The following KIF2A variants were observed in gnomAD, a reference collection of about 807,000 sequenced individuals.
KIF2A encodes kinesin-like protein KIF2A.
A neutral mutation model predicts 100.2 loss-of-function variants in KIF2A; 22 were observed. That is an observed-to-expected ratio of 0.22 (90% CI 0.16 to 0.31). KIF2A has a LOEUF of 0.31. Among genes scored for constraint, KIF2A ranks in the 10% least tolerant of loss-of-function variants. KIF2A has a pLI of 1.00. For synonymous variants in KIF2A, 268 were observed against 285.9 expected, an observed-to-expected ratio of 0.94 and a Z score of 0.63; for missense variants, 495 against 898.7, an observed-to-expected ratio of 0.55 and a Z score of 5.74.
chr5:62,336,625 A>G (rs1197305462), intron 1 of KIF2A, among the ~76,000 whole-genome samples: 1 of 152,248 alleles, frequency 6.6e-6, no homozygotes, highest in Non-Finnish European at 1.5e-5. Context: ...AAAACTTGTA[A>G]GATGCTGCTA....
intron 1 of KIF2A, among the ~76,000 whole-genome samples, chr5:62,342,108 C>G (rs1199066306): frequency 6.6e-6 from 1 of 152,194 alleles, no homozygotes; most frequent in East Asian, 1.9e-4. Flanking sequence ...CTTTTACTTT[C>G]TCCAAAACCT....
At chr5:62,337,214 G>A (rs552212039) in intron 1 of KIF2A, among the ~76,000 whole-genome samples, 11 of 152,100 alleles carry the variant, frequency 7.2e-5, no homozygotes, top group Admixed American at 2.6e-4. Context: ...ATAACCAGCC[G>A]GGCACGGTGG....
intron 1 of KIF2A, among the ~76,000 whole-genome samples, chr5:62,344,712 ACTC>A (rs1287579726): frequency 2.0e-5 from 3 of 152,184 alleles, no homozygotes; most frequent in African/African-American, 7.2e-5. Context: ...TGGAAATAAT[ACTC>A]CTAATAAAGG....
At chr5:62,385,203 A>G (rs1005220392) in intron 20 of KIF2A, among the ~76,000 whole-genome samples, 8 of 152,194 alleles carry the variant, frequency 5.3e-5, no homozygotes, top group African/African-American at 1.9e-4. Context: ...TCTAGGAGGA[A>G]TTCCAATAAA....
chr5:62,319,929 C>T (rs947529849), intron 1 of KIF2A, among the ~76,000 whole-genome samples: 1 of 152,122 alleles, frequency 6.6e-6, no homozygotes. Context: ...CTCCATCCTA[C>T]CCCTACCCCA....
At position 62,373,855 on chromosome 5, in the gene KIF2A, G is replaced by A. The variant is rs746205693; in HGVS notation, c.1911+18G>A. The A allele has an allele frequency of 1.3e-6, 2 of 1,572,406 alleles. No individual in the cohort carries two copies. Among genetic ancestry groups the A allele is most frequent in the South Asian group, 1.1e-5 (1 of 89,554 alleles). The stretch of plus-strand genomic sequence containing the variant: ...AACAAAATGTGAGTGTACTATGGTT[G>A]TAAATGTTATAATCTTAGTTCATTT... On this transcript the variant is annotated intron_variant, in intron 18 of 20. Transcript: ENST00000407818.
chr5:62,384,582 T>A (rs1431242335), intron 20 of KIF2A, among the ~76,000 whole-genome samples: 1 of 152,190 alleles, frequency 6.6e-6, no homozygotes, highest in African/African-American at 2.4e-5. Flanking sequence ...AAATGCCCGC[T>A]GGGGGCCAAA....
At position 62,386,144 on chromosome 5, in the gene KIF2A, A is replaced by AT. The variant is rs1249713051; in HGVS notation, c.*578dup. 6.5e-6 allele frequency: 1 copy of AT among 152,790 alleles called. No individual in the cohort carries two copies. Among genetic ancestry groups the AT allele is most frequent in the Non-Finnish European group, 1.5e-5 (1 of 68,194 alleles). 9.5% of individuals were successfully genotyped at this position (152,790 alleles called of 1,614,324 possible). A position where few individuals can be genotyped will look rare whatever the true frequency, so the allele number is the denominator to read the frequency against. ...ACCTTTGTGTGTACATTTTTACTGT[A>AT]TTTGAGACATTTTTTGTGTGTGACT... On this transcript the variant is annotated 3_prime_UTR_variant, in exon 21 of 21. Transcript: ENST00000407818.
chr5:62,306,609 C>A, intron 1 of KIF2A, 73 bp downstream of exon 1: 1 of 1,258,546 alleles, frequency 7.9e-7, no homozygotes, highest in Non-Finnish European at 1.1e-6. Flanking sequence ...ACGCGGGCGC[C>A]GGCCGCCTCA....
chr5:62,336,249 C>G (rs368087243), intron 1 of KIF2A, among the ~76,000 whole-genome samples: 10 of 152,214 alleles, frequency 6.6e-5, no homozygotes, highest in African/African-American at 2.4e-4. Flanking sequence ...GAATCAGAGT[C>G]AGGTCCACTG....
chr5:62,352,987 G>C, intron 5 of KIF2A: 1 of 422,806 alleles, frequency 2.4e-6, no homozygotes, highest in Admixed American at 4.2e-5. Flanking sequence ...TGTTACAGAA[G>C]AATGTGTTGG....
chr5:62,365,292 C>A lies in KIF2A; in HGVS notation c.1517C>A (p.Ala506Glu). The A allele has an allele frequency of 6.2e-7, 1 of 1,609,640 alleles. No individual in the cohort carries two copies. Among genetic ancestry groups the A allele is most frequent in the Non-Finnish European group, 8.5e-7 (1 of 1,177,294 alleles). ...GRNKPHTPFR[A>E]SKLTQVLRDS... ...AATAAACCTCATACTCCTTTCCGTG[C>A]AAGTAAACTCACTCAGGTGTTAAGA... is the stretch of plus-strand genomic sequence containing the variant. Residue 506 changes from alanine (A) to glutamate (E), a missense_variant, in exon 15 of 21, where the codon GCA (alanine) becomes GAA (glutamate). By Grantham distance (107) the Ala-to-Glu change is moderately radical. Coordinates refer to ENST00000407818, the MANE Select transcript of KIF2A (RefSeq NM_001098511.3).
chr5:62,355,915 G>A (rs919833587), intron 7 of KIF2A, among the ~76,000 whole-genome samples: 1 of 151,364 alleles, frequency 6.6e-6, no homozygotes, highest in Admixed American at 6.6e-5. Context: ...CCAAGTAGCT[G>A]GGACTACAGG....
Position 62,365,259 on chromosome 5 carries a change from T to C in KIF2A, c.1484T>C (p.Leu495Ser). 1 of 1,593,822 alleles carries C rather than the reference T, an allele frequency of 6.3e-7. No individual in the cohort carries two copies. The highest frequency in any genetic ancestry group is 8.6e-7 in the Non-Finnish European group (1 of 1,165,602). The change falls in exon 15 of 21, where the codon TTA becomes TCA. Residue 495 changes from leucine (L) to serine (S), a missense_variant. Around this residue, in one of 10 missense-constraint regions of KIF2A, gnomAD observed 16 missense variants for 78.1 expected, o/e 0.20. Coordinates refer to ENST00000407818, the MANE Select transcript of KIF2A (RefSeq NM_001098511.3). ...LLALKECIRALGRNKPHTPFR... is the reference protein window; with the variant it reads ...LLALKECIRASGRNKPHTPFR... ...AATTTTCAGGAGTGCATCAGAGCCT[T>C]AGGTAGAAATAAACCTCATACTCCT...
At chr5:62,377,827 C>A in intron 19 of KIF2A, 65 bp downstream of exon 19, 1 of 876,198 alleles carries the variant, frequency 1.1e-6, no homozygotes, top group East Asian at 2.7e-5. Context: ...TGTCATAATT[C>A]CTTAAATATC....
At chr5:62,314,797 C>CT (rs1407840115) in intron 1 of KIF2A, among the ~76,000 whole-genome samples, 1 of 128,954 alleles carries the variant, frequency 7.8e-6, no homozygotes, top group Admixed American at 9.0e-5. Context: ...GAGTCTCACT[C>CT]TGTCACCCAG....
At chr5:62,361,580 C>A in intron 11 of KIF2A, 51 bp downstream of exon 11, 2 of 1,037,218 alleles carry the variant, frequency 1.9e-6, no homozygotes, top group Non-Finnish European at 3.0e-6. Context: ...TGGTATTATT[C>A]AGGTAACTTT....
chr5:62,386,007 T>G lies in KIF2A; in HGVS notation c.*438T>G, dbSNP rs554730511. On this transcript the variant is annotated 3_prime_UTR_variant, in exon 21 of 21. Transcript: ENST00000407818. ...CAGTGATTGTACATACCTTGCCCACTCCTAGAGACAGCTGTGCTCACCTTT... is the reference window on the plus strand; with the variant it reads ...CAGTGATTGTACATACCTTGCCCACGCCTAGAGACAGCTGTGCTCACCTTT... 92 of 155,600 alleles carry G rather than the reference T, an allele frequency of 5.9e-4. No individual in the cohort carries two copies. The highest frequency in any genetic ancestry group is 3.4e-3 in the Middle Eastern group (1 of 298). The allele number at this position is 155,600 out of a possible 1,614,324, so 9.6% of individuals were successfully genotyped here.
chr5:62,353,188 G>A, intron 5 of KIF2A, 87 bp from the exon 6 acceptor site: 1 of 617,664 alleles, frequency 1.6e-6, no homozygotes, highest in Non-Finnish European at 2.8e-6. Flanking sequence ...TTTTATGTGT[G>A]TGTGGTGAAG....
Sources: gnomAD v4.1 joint callset for allele counts (sites outside exome capture counted in the v4.1 genomes callset) on GRCh38, gnomAD v4.1.1 for gene constraint, gnomAD v4.1.1 regional missense constraint, MANE v1.5 for transcripts, NCBI Gene and HGNC (gene_info 2026-07-23, HGNC 2026-07-21) for gene names.